RAPGEF2: variants seen among roughly 807,000 people sequenced by gnomAD.
The protein encoded by RAPGEF2 is Rap guanine nucleotide exchange factor 2, also known as PDZ domain containing guanine nucleotide exchange factor (GEF) 1.
Under a neutral mutation model 186.7 loss-of-function variants are expected in RAPGEF2, and 54 were observed. The observed-to-expected ratio is 0.29, with a 90% CI of 0.23 to 0.36. RAPGEF2 has a LOEUF of 0.36. Ranked by LOEUF, RAPGEF2 falls within the 10% of genes least tolerant of loss-of-function variation. The pLI, the probability that RAPGEF2 is intolerant of heterozygous loss-of-function variation, is 1.00. For synonymous variants in RAPGEF2, 712 were observed against 705.9 expected (o/e 1.01, Z -0.14); for missense variants, 1,532 against 2,045.0 (o/e 0.75, Z 4.84).
chr4:159,353,629 T>C lies in RAPGEF2; in HGVS notation c.4234T>C (p.Ser1412Pro). The C allele has an allele frequency of 6.3e-7, 1 of 1,596,634 alleles. No individual in the cohort carries two copies. ...TGACAGTGGCCGTGGGAGCTGGACGTCATGCTCAAGTGGCTCCCATGATAA... is the reference window on the plus strand; with the variant it reads ...TGACAGTGGCCGTGGGAGCTGGACGCCATGCTCAAGTGGCTCCCATGATAA... ...AADSGRGSWT[S>P]CSSGSHDNIQ... Residue 1412 changes from serine to proline, a missense_variant, in exon 28 of 30, where the codon TCA (serine) becomes CCA (proline). By Grantham distance (74) the Ser-to-Pro change is moderately conservative. This residue lies in a region of RAPGEF2 where 594 missense variants were observed against 608.5 expected (regional missense o/e 0.98). Coordinates refer to ENST00000691494, the MANE Select transcript of RAPGEF2 (RefSeq NM_001394067.2). The surrounding 1 kb of genome is among the most constrained non-coding windows in gnomAD (Gnocchi z 4.3).
In RAPGEF2 at chr4:159,241,257, G is replaced by A. The variant is rs572442285; in HGVS notation, c.414G>A (p.Gln138=). Residue 138 remains glutamine, a synonymous_variant, in exon 6 of 30, where the codon CAG becomes CAA. Transcript: ENST00000691494. ...TTCAGCGGCAAGCTTCCCATAGACA[G>A]TCTCGAAGGAGATTTAGAAAAATCA... is the stretch of plus-strand genomic sequence containing the variant. ...EYFQRQASHR[Q]SRRRFRKINQ... is the part of the protein sequence containing the mutation. 1.8e-5 allele frequency: 27 copies of A among 1,534,294 alleles called. No homozygotes were observed. In the South Asian group the frequency reaches 2.6e-4, roughly 15 times the overall value.
intron 1 of RAPGEF2, among the ~76,000 whole-genome samples, chr4:159,141,912 G>T (rs1424789119): frequency 6.6e-6 from 1 of 152,046 alleles, no homozygotes; most frequent in Non-Finnish European, 1.5e-5. Context: ...ACAAACAAAT[G>T]GGATCCAGAA....
chr4:159,199,540 G>A (rs190624755), intron 3 of RAPGEF2, among the ~76,000 whole-genome samples: 41 of 151,922 alleles, frequency 2.7e-4, no homozygotes, highest in Middle Eastern at 3.4e-3. Context: ...CTTCATTATG[G>A]TCTCACTTCC....
At chr4:159,317,917 A>T (rs1446387190) in intron 9 of RAPGEF2, among the ~76,000 whole-genome samples, 1 of 152,198 alleles carries the variant, frequency 6.6e-6, no homozygotes, top group East Asian at 1.9e-4. Flanking sequence ...AGTTGTGAAG[A>T]AAATGCTGAT....
chr4:159,351,007 C>T (rs1374203226), intron 26 of RAPGEF2: 18 of 1,481,902 alleles, frequency 1.2e-5, no homozygotes, highest in Non-Finnish European at 1.6e-5. Context: ...ATCAGTCTCT[C>T]CTGTCCTTGT....
intron 11 of RAPGEF2, chr4:159,327,851 G>T (rs1056732309): frequency 3.3e-5 from 5 of 151,226 alleles, no homozygotes; most frequent in Non-Finnish European, 7.4e-5. Flanking sequence ...TAGAAATTCA[G>T]TTTGGGATTT....
chr4:159,155,872 G>T (rs547107854), intron 1 of RAPGEF2, among the ~76,000 whole-genome samples: 4 of 151,492 alleles, frequency 2.6e-5, no homozygotes, highest in African/African-American at 9.7e-5. Flanking sequence ...ATATGTTTTA[G>T]TTAGTGTTGA....
In RAPGEF2 at chr4:159,329,889, G is replaced by T; in HGVS notation, c.1181G>T (p.Arg394Leu). ...TGCATAGCCCAGCAAGATTACTGCCGTATTCTCAATCAAGTAGAAAAGAAC... is the reference window on the plus strand; with the variant it reads ...TGCATAGCCCAGCAAGATTACTGCCTTATTCTCAATCAAGTAGAAAAGAAC... ...FVCIAQQDYC[R>L]ILNQVEKNMQ... Residue 394 changes from arginine (R) to leucine (L), a missense_variant, in exon 12 of 30, where the codon CGT becomes CTT. Arg to Leu is a moderately radical substitution (Grantham distance 102, BLOSUM62 -2). Transcript: ENST00000691494. 2 of 1,612,574 alleles carry T rather than the reference G, an allele frequency of 1.2e-6. No individual in the cohort carries two copies. The highest frequency in any genetic ancestry group is 1.7e-6 in the Non-Finnish European group (2 of 1,179,140).
At chr4:159,269,228 C>G (rs547082772) in intron 7 of RAPGEF2, among the ~76,000 whole-genome samples, 1 of 152,066 alleles carries the variant, frequency 6.6e-6, no homozygotes, top group African/African-American at 2.4e-5. Flanking sequence ...TTGTTAGGAA[C>G]AAAATTACTA....
chr4:159,137,150 C>T (rs1741803210), intron 1 of RAPGEF2, among the ~76,000 whole-genome samples: 1 of 152,198 alleles, frequency 6.6e-6, no homozygotes, highest in Admixed American at 6.5e-5. Flanking sequence ...AAGAAGTTTA[C>T]TGTATTAGTC....
At chr4:159,256,711 T>A (rs1225580911) in intron 7 of RAPGEF2, among the ~76,000 whole-genome samples, 15 of 152,222 alleles carry the variant, frequency 9.9e-5, no homozygotes, top group Admixed American at 9.8e-4. Context: ...GCATCTGTTG[T>A]TACTTGACTT....
In RAPGEF2 at chr4:159,332,689, A is replaced by G; in HGVS notation, c.2127A>G (p.Lys709=). Residue 709 remains lysine, a synonymous_variant, in exon 17 of 30, where the codon AAA becomes AAG. Coordinates refer to ENST00000691494, the MANE Select transcript of RAPGEF2 (RefSeq NM_001394067.2). ...CTCGGATCAGTATCTTGCCACAGAAACCATACAAGTAAGCATCTGCATATG... is the reference window on the plus strand; with the variant it reads ...CTCGGATCAGTATCTTGCCACAGAAGCCATACAAGTAAGCATCTGCATATG... ...DKTRISILPQ[K]PYNDIGIGQS... is the part of the protein sequence containing the mutation. 1.9e-6 allele frequency: 3 copies of G among 1,614,058 alleles called. 1 individual carries two copies. The South Asian group carries it at 3.3e-5, about 18-fold the overall frequency.
At chr4:159,110,302 A>G (rs1188409628) in intron 1 of RAPGEF2, among the ~76,000 whole-genome samples, 1 of 152,178 alleles carries the variant, frequency 6.6e-6, no homozygotes, top group Non-Finnish European at 1.5e-5. Context: ...ATATAGTTAA[A>G]CTAGGCCAGG....
intron 29 of RAPGEF2, among the ~76,000 whole-genome samples, chr4:159,356,591 C>T (rs1732047890): frequency 6.6e-6 from 1 of 152,140 alleles, no homozygotes; most frequent in South Asian, 2.1e-4. Flanking sequence ...TGAAGTACTT[C>T]TGTGACCCTA....
chr4:159,121,679 T>A (rs1739697445), intron 1 of RAPGEF2, among the ~76,000 whole-genome samples: 1 of 151,906 alleles, frequency 6.6e-6, no homozygotes, highest in Admixed American at 6.6e-5. Flanking sequence ...ATTAAAAAAA[T>A]TTTTGGAGAA....
intron 1 of RAPGEF2, chr4:159,128,942 G>GTATA (rs1276393623): frequency 5.7e-5 from 8 of 140,958 alleles, no homozygotes; most frequent in African/African-American, 2.1e-4. Flanking sequence ...GTGTGTGTGT[G>GTATA]TGTATATATA....
At position 159,359,756 on chromosome 4, in the gene RAPGEF2, A is replaced by G. The variant is rs1274058127; in HGVS notation, c.*1617A>G. ...ATTACATTGTCAATTATGCATTTGT[A>G]ATTTTACATGTAATATGCATTATTT... is the stretch of plus-strand genomic sequence containing the variant. On this transcript the variant is annotated 3_prime_UTR_variant, in exon 30 of 30. Coordinates refer to ENST00000691494, the MANE Select transcript of RAPGEF2 (RefSeq NM_001394067.2). 2 of 152,218 alleles carry G rather than the reference A, an allele frequency of 1.3e-5. No homozygotes were observed. Among genetic ancestry groups the G allele is most frequent in the Non-Finnish European group, 2.9e-5 (2 of 68,044 alleles). The allele number at this position is 152,218 out of a possible 1,614,324, so 9.4% of individuals were successfully genotyped here.
At chr4:159,327,537 A>G (rs1766091756) in intron 11 of RAPGEF2, 1 of 152,174 alleles carries the variant, frequency 6.6e-6, no homozygotes, top group Non-Finnish European at 1.5e-5. Context: ...CACCTGTACA[A>G]TCCCAGCTAC....
intron 7 of RAPGEF2, chr4:159,268,065 T>G (rs1162082779): frequency 6.6e-7 from 1 of 1,509,260 alleles, no homozygotes; most frequent in Non-Finnish European, 8.8e-7. Flanking sequence ...TTTTTCCTTT[T>G]TCTTTTAATT....
Sources: allele counts gnomAD v4.1 joint callset (sites outside exome capture counted in the v4.1 genomes callset), GRCh38; gene constraint gnomAD v4.1.1; regional missense constraint gnomAD v4.1.1; non-coding constraint Gnocchi (gnomAD v3.1); transcripts MANE v1.5; gene names NCBI Gene and HGNC (gene_info 2026-07-23, HGNC 2026-07-21).